Variants in CPPED1 observed in about 807,000 individuals in gnomAD.
CPPED1 encodes calcineurin like phosphoesterase domain containing 1.
Under a neutral mutation model 28.0 loss-of-function variants are expected in CPPED1, and 28 were observed. That is an observed-to-expected ratio of 1.00 (90% CI 0.74 to 1.37). The LOEUF is 1.37. Among genes scored for constraint, CPPED1 ranks in the 40% most tolerant of loss-of-function variants. The probability of loss-of-function intolerance (pLI) is 0.00; values close to 1 mark genes in which losing one functional copy is unlikely to be tolerated. For synonymous variants in CPPED1, 198 were observed against 180.2 expected (o/e 1.10, Z -0.79); for missense variants, 504 against 416.5 (o/e 1.21, Z -1.83).
At chr16:12,706,852 C>A (rs2080054163) in intron 2 of CPPED1, among the ~76,000 whole-genome samples, 2 of 152,186 alleles carry the variant, frequency 1.3e-5, no homozygotes, top group African/African-American at 4.8e-5. Context: ...CTTTCCCGAG[C>A]CCATTCCACT....
At chr16:12,803,588 G>T in intron 1 of CPPED1, 119 bp downstream of exon 1, 1 of 877,104 alleles carries the variant, frequency 1.1e-6, no homozygotes, top group Non-Finnish European at 1.6e-6. Context: ...CGGCTCCCAG[G>T]CCCCGGTGCA....
chr16:12,691,039 C>A (rs764263692), intron 3 of CPPED1, among the ~76,000 whole-genome samples: 3 of 152,210 alleles, frequency 2.0e-5, no homozygotes, highest in Non-Finnish European at 2.9e-5. Flanking sequence ...GCATTCTGCT[C>A]ATCAACATGC....
chr16:12,756,885 T>C lies in CPPED1; in HGVS notation c.289+24300A>G, dbSNP rs1011969277. ...CACCTACAGTGCTCTCCCAAAAGTG[T>C]TTCCCCCTAGAGAGTATTAAACATC... On this transcript the variant is annotated intron_variant, in intron 2 of 3. Coordinates refer to ENST00000381774, the MANE Select transcript of CPPED1 (RefSeq NM_018340.3). Among the ~76,000 whole-genome samples the C allele has an allele frequency of 8.0e-5, 12 of 150,224 alleles. No homozygotes were observed. In the South Asian group the frequency reaches 1.5e-3, roughly 18 times the overall value.
At chr16:12,743,679 G>C (rs1458133278) in intron 2 of CPPED1, among the ~76,000 whole-genome samples, 1 of 152,188 alleles carries the variant, frequency 6.6e-6, no homozygotes, top group Non-Finnish European at 1.5e-5. Flanking sequence ...AGAATGCAGA[G>C]AAATGGAAAT....
intron 1 of CPPED1, among the ~76,000 whole-genome samples, chr16:12,800,838 C>T (rs910920191): frequency 6.6e-6 from 1 of 152,150 alleles, no homozygotes; most frequent in Non-Finnish European, 1.5e-5. Flanking sequence ...GTCTTCCCTC[C>T]CTTCGTGGCC....
At chr16:12,692,198 C>T (rs534518608) in intron 3 of CPPED1, among the ~76,000 whole-genome samples, 23 of 152,210 alleles carry the variant, frequency 1.5e-4, no homozygotes, top group Non-Finnish European at 2.4e-4. Context: ...CACTGACCCT[C>T]GAGGAAGGTG....
At chr16:12,765,790 C>A (rs561061844) in intron 2 of CPPED1, among the ~76,000 whole-genome samples, 1 of 152,262 alleles carries the variant, frequency 6.6e-6, no homozygotes, top group South Asian at 2.1e-4. Context: ...ATTCTGGGTT[C>A]GCGAAATATA....
rs535210354 is a variant in CPPED1 at position 12,743,306 on chromosome 16, T to C, written c.289+37879A>G. ...CAAGTGGAAAAAAAATGAAATAAAA[T>C]TGTGATCCTTATCCCCACCACACAA... On this transcript the variant is annotated intron_variant, in intron 2 of 3. Transcript: ENST00000381774. Among the ~76,000 whole-genome samples, 24 of 152,214 alleles carry C rather than the reference T, an allele frequency of 1.6e-4. No individual in the cohort carries two copies. The South Asian group carries it at 5.0e-3, about 32-fold the overall frequency.
At chr16:12,694,837 G>A (rs1398451816) in intron 3 of CPPED1, among the ~76,000 whole-genome samples, 3 of 151,836 alleles carry the variant, frequency 2.0e-5, no homozygotes, top group Non-Finnish European at 2.9e-5. Context: ...GAGTGCAGTG[G>A]CACGATCCCT....
At chr16:12,706,754 G>A (rs967219784) in intron 2 of CPPED1, among the ~76,000 whole-genome samples, 4 of 151,976 alleles carry the variant, frequency 2.6e-5, no homozygotes, top group East Asian at 3.9e-4. Flanking sequence ...GAGGACTCTC[G>A]GTCCCTGGAG....
At chr16:12,732,989 G>T (rs767736138) in intron 2 of CPPED1, among the ~76,000 whole-genome samples, 1 of 152,136 alleles carries the variant, frequency 6.6e-6, no homozygotes, top group Admixed American at 6.5e-5. Context: ...TACAGAGCAA[G>T]CAATCAGGAA....
At chr16:12,667,642 A>G (rs898166681) in intron 3 of CPPED1, among the ~76,000 whole-genome samples, 2 of 152,182 alleles carry the variant, frequency 1.3e-5, no homozygotes, top group Non-Finnish European at 2.9e-5. Context: ...CAAAGAGGAA[A>G]TTAGTGAACT....
chr16:12,674,399 T>C (rs1041412831), intron 3 of CPPED1, among the ~76,000 whole-genome samples: 2 of 152,130 alleles, frequency 1.3e-5, no homozygotes, highest in Non-Finnish European at 2.9e-5. Context: ...ACTTCTTGGG[T>C]TGGAGCCAGG....
chr16:12,799,406 C>T (rs758368066), intron 1 of CPPED1, among the ~76,000 whole-genome samples: 15 of 152,164 alleles, frequency 9.9e-5, no homozygotes, highest in Non-Finnish European at 1.3e-4. Flanking sequence ...CCACCACACC[C>T]GGCTAATTTT....
intron 2 of CPPED1, among the ~76,000 whole-genome samples, chr16:12,736,033 G>T (rs1256738279): frequency 1.3e-5 from 2 of 152,080 alleles, no homozygotes; most frequent in Non-Finnish European, 2.9e-5. Flanking sequence ...AAGATCCCCT[G>T]GGCCCTGGAG....
chr16:12,789,383 C>T (rs2080583087), intron 1 of CPPED1, among the ~76,000 whole-genome samples: 1 of 152,158 alleles, frequency 6.6e-6, no homozygotes, highest in Non-Finnish European at 1.5e-5. Flanking sequence ...GCAAACCAGG[C>T]CCCCACCTTT....
At chr16:12,792,837 A>C (rs1317682835) in intron 1 of CPPED1, among the ~76,000 whole-genome samples, 1 of 152,136 alleles carries the variant, frequency 6.6e-6, no homozygotes, top group African/African-American at 2.4e-5. Flanking sequence ...AGGCCTCCCC[A>C]GCCATGTGAA....
intron 3 of CPPED1, among the ~76,000 whole-genome samples, chr16:12,674,438 C>T (rs894288296): frequency 6.6e-6 from 1 of 152,112 alleles, no homozygotes; most frequent in African/African-American, 2.4e-5. Context: ...AGTTTCCAGA[C>T]GTGGGGGTTT....
chr16:12,797,941 G>T (rs547470061), intron 1 of CPPED1, among the ~76,000 whole-genome samples: 1 of 151,664 alleles, frequency 6.6e-6, no homozygotes, highest in African/African-American at 2.4e-5. Context: ...AAATTAGCCA[G>T]GCATGGTGGT....
Sources: gnomAD v4.1 joint callset for allele counts (sites outside exome capture counted in the v4.1 genomes callset) on GRCh38, gnomAD v4.1.1 for gene constraint, MANE v1.5 for transcripts, NCBI Gene and HGNC (gene_info 2026-07-23, HGNC 2026-07-21) for gene names.